The following NRXN3 variants were observed in gnomAD, a reference collection of about 807,000 sequenced individuals.
The protein encoded by NRXN3 is neurexin 3.
NRXN3 carries 32 observed loss-of-function variants against 137.6 expected under a neutral mutation model. The ratio of observed to expected loss-of-function variants is 0.23; its 90% CI spans 0.18 to 0.31. NRXN3 has a LOEUF of 0.31. Among genes scored for constraint, NRXN3 ranks in the 10% least tolerant of loss-of-function variants. NRXN3 has a pLI of 1.00. For synonymous variants in NRXN3, 798 were observed against 784.5 expected, an observed-to-expected ratio of 1.02 and a Z score of -0.29; for missense variants, 1,574 against 2,062.5, an observed-to-expected ratio of 0.76 and a Z score of 4.59.
intron 4 of NRXN3, among the ~76,000 whole-genome samples, chr14:78,641,242 C>T (rs2097625591): frequency 6.6e-6 from 1 of 151,946 alleles, no homozygotes; most frequent in Non-Finnish European, 1.5e-5. Flanking sequence ...GGTTGAGTCT[C>T]AGCTACTGGA....
At chr14:78,822,341 A>G (rs2098953030) in intron 10 of NRXN3, among the ~76,000 whole-genome samples, 3 of 152,252 alleles carry the variant, frequency 2.0e-5, no homozygotes, top group Admixed American at 6.5e-5. Context: ...CCACAATCTT[A>G]TAAGGTAGGT....
intron 16 of NRXN3, among the ~76,000 whole-genome samples, chr14:79,557,525 C>T (rs2097442500): frequency 6.6e-6 from 1 of 152,106 alleles, no homozygotes; most frequent in Non-Finnish European, 1.5e-5. Context: ...TAAAGTGAGT[C>T]ACACAAATTT....
chr14:78,708,819 C>T (rs1386124445), intron 6 of NRXN3, among the ~76,000 whole-genome samples: 2 of 152,174 alleles, frequency 1.3e-5, no homozygotes, highest in African/African-American at 4.8e-5. Context: ...CATTATAACG[C>T]TGTGCCATCT....
intron 15 of NRXN3, among the ~76,000 whole-genome samples, chr14:79,065,142 C>T (rs1303813554): frequency 1.3e-5 from 2 of 151,800 alleles, no homozygotes; most frequent in African/African-American, 4.8e-5. Context: ...TATTCAGTTA[C>T]TTACATAGTA....
At chr14:78,965,964 G>C in intron 11 of NRXN3, 61 bp from the exon 12 acceptor site, 1 of 1,549,264 alleles carries the variant, frequency 6.5e-7, no homozygotes, top group Non-Finnish European at 8.8e-7. Flanking sequence ...AAATATACTT[G>C]AGGGTGCTGT....
chr14:78,591,717 A>T (rs1463963299), intron 4 of NRXN3, among the ~76,000 whole-genome samples: 1 of 152,108 alleles, frequency 6.6e-6, no homozygotes, highest in African/African-American at 2.4e-5. Context: ...TTCACTGTAC[A>T]TGGGTTGTTT....
chr14:78,619,808 C>T (rs751515567), intron 4 of NRXN3, among the ~76,000 whole-genome samples: 2 of 152,066 alleles, frequency 1.3e-5, no homozygotes, highest in Non-Finnish European at 2.9e-5. Flanking sequence ...TACCCAGCCT[C>T]AGGTAGTTCT....
intron 16 of NRXN3, among the ~76,000 whole-genome samples, chr14:79,507,020 G>T (rs184829782): frequency 6.6e-6 from 1 of 152,226 alleles, no homozygotes; most frequent in Admixed American, 6.5e-5. Context: ...GATATTAAAG[G>T]TTCAGGGCAT....
chr14:78,970,125 A>T (rs996911249), intron 14 of NRXN3, among the ~76,000 whole-genome samples: 2 of 152,186 alleles, frequency 1.3e-5, no homozygotes, highest in Non-Finnish European at 2.9e-5. Context: ...CATATTAGAA[A>T]GCGTAAGATA....
intron 4 of NRXN3, among the ~76,000 whole-genome samples, chr14:78,557,159 C>T (rs1467466372): frequency 6.6e-6 from 1 of 150,746 alleles, no homozygotes; most frequent in Non-Finnish European, 1.5e-5. Flanking sequence ...ATCTTCCCAC[C>T]TCAGCTTCCT....
intron 1 of NRXN3, among the ~76,000 whole-genome samples, chr14:78,193,813 C>G (rs1384344666): frequency 6.6e-6 from 1 of 150,430 alleles, no homozygotes; most frequent in African/African-American, 2.4e-5. Context: ...AGACAGAGTT[C>G]AGAGTTCAAG....
At chr14:79,001,395 G>A (rs546550568) in intron 15 of NRXN3, among the ~76,000 whole-genome samples, 2 of 152,278 alleles carry the variant, frequency 1.3e-5, no homozygotes, top group South Asian at 2.1e-4. Context: ...GGCTTTCAAG[G>A]TCTTCCAGAA....
At chr14:79,446,067 C>G (rs1471586806) in intron 15 of NRXN3, among the ~76,000 whole-genome samples, 1 of 152,172 alleles carries the variant, frequency 6.6e-6, no homozygotes, top group Non-Finnish European at 1.5e-5. Context: ...GTGACTATGA[C>G]AGGTCTCCAG....
intron 16 of NRXN3, among the ~76,000 whole-genome samples, chr14:79,486,951 CTCTCTCT>C (rs1285979852): frequency 2.7e-5 from 4 of 150,468 alleles, no homozygotes; most frequent in African/African-American, 9.8e-5. Context: ...CTCTCTCTCT[CTCTCTCT>C]CTCCCACACA....
chr14:78,353,874 T>A (rs1366734259), intron 4 of NRXN3, among the ~76,000 whole-genome samples: 1 of 152,126 alleles, frequency 6.6e-6, no homozygotes, highest in Non-Finnish European at 1.5e-5. Context: ...GCAGTCACAG[T>A]GCACTGGGTA....
chr14:78,801,552 G>A (rs1490680791), intron 8 of NRXN3, among the ~76,000 whole-genome samples: 1 of 152,022 alleles, frequency 6.6e-6, no homozygotes, highest in Non-Finnish European at 1.5e-5. Context: ...CAGCATGGGG[G>A]AAACCACCCC....
At chr14:78,790,252 A>C (rs1405869090) in intron 8 of NRXN3, among the ~76,000 whole-genome samples, 2 of 152,186 alleles carry the variant, frequency 1.3e-5, no homozygotes, top group Non-Finnish European at 2.9e-5. Context: ...TTGAATATTA[A>C]AAATATGAAA....
At chr14:78,845,089 A>G (rs530030592) in intron 10 of NRXN3, among the ~76,000 whole-genome samples, 1 of 152,176 alleles carries the variant, frequency 6.6e-6, no homozygotes, top group Non-Finnish European at 1.5e-5. Context: ...AATGATCTTC[A>G]TTGGCTAAAT....
chr14:78,514,033 C>T (rs942392224), intron 4 of NRXN3, among the ~76,000 whole-genome samples: 1 of 152,086 alleles, frequency 6.6e-6, no homozygotes, highest in African/African-American at 2.4e-5. Context: ...CATCTTTGTT[C>T]TAAGCTGAAC....
Sources: gnomAD v4.1 joint callset for allele counts (sites outside exome capture counted in the v4.1 genomes callset) on GRCh38, gnomAD v4.1.1 for gene constraint, MANE v1.5 for transcripts, NCBI Gene and HGNC (gene_info 2026-07-23, HGNC 2026-07-21) for gene names.